The following OR7D2 variants were observed in gnomAD, a reference collection of about 807,000 sequenced individuals.
OR7D2 encodes the protein olfactory receptor 7D2.
For synonymous variants in OR7D2, 158 were observed against 158.7 expected (o/e 1.00, Z 0.03); for missense variants, 370 against 384.1 (o/e 0.96, Z 0.31).
chr19:9,184,828 T>C (rs2051018712), intron 2 of OR7D2, among the ~76,000 whole-genome samples: 1 of 152,090 alleles, frequency 6.6e-6, no homozygotes, highest in East Asian at 1.9e-4. Flanking sequence ...ATTTTTACAA[T>C]CAATATTATT....
intron 2 of OR7D2, among the ~76,000 whole-genome samples, chr19:9,184,748 T>A (rs1258955042): frequency 6.6e-6 from 1 of 152,146 alleles, no homozygotes; most frequent in Non-Finnish European, 1.5e-5. Context: ...TATATTCCAT[T>A]GTGTGTATAT....
Position 9,186,767 on chromosome 19 carries a change from C to CA in OR7D2, c.*52dup, listed in dbSNP as rs763301777. ...TAAGAAGTTTTGTGAGCACCAATGG[C>CA]AAAAATGTTTTATTTTGAAATTCTT... On this transcript the variant is annotated 3_prime_UTR_variant, in exon 3 of 3. Coordinates refer to ENST00000641288, the MANE Select transcript of OR7D2 (RefSeq NM_175883.4). 4.8e-6 allele frequency: 6 copies of CA among 1,254,564 alleles called. No individual in the cohort carries two copies. Among genetic ancestry groups the CA allele is most frequent in the Non-Finnish European group, 6.7e-6 (6 of 902,220 alleles). The allele number at this position is 1,254,564 out of a possible 1,614,324, so 77.7% of individuals were successfully genotyped here.
rs1166027531 is a variant in OR7D2 at position 9,188,669 on chromosome 19, A to G, written c.*1949A>G. 1 of 167,038 alleles carries G rather than the reference A, an allele frequency of 6.0e-6. No individual in the cohort carries two copies. The allele number at this position is 167,038 out of a possible 1,614,324, so 10.3% of individuals were successfully genotyped here. A position where few individuals can be genotyped will look rare whatever the true frequency, so the allele number is the denominator to read the frequency against. On this transcript the variant is annotated 3_prime_UTR_variant, in exon 3 of 3. Coordinates refer to ENST00000641288, the MANE Select transcript of OR7D2 (RefSeq NM_175883.4). ...TTTGTTATCTCAAGTGGTGGCACAG[A>G]GTTCTTAAGCTATTGATTGTTCACT...
Position 9,186,276 on chromosome 19 carries a change from T to A in OR7D2, c.495T>A (p.His165Gln). ...TCCTCCATATTTCTCTGATGATGCA[T>A]CTAATCTTCTGTAAAGATTTTGAAA... ...TSLLHISLMM[H>Q]LIFCKDFEIP... Residue 165 changes from histidine to glutamine, a missense_variant, in exon 3 of 3, where the codon CAT becomes CAA. Transcript: ENST00000641288. 1 of 1,614,158 alleles carries A rather than the reference T, an allele frequency of 6.2e-7. No individual in the cohort carries two copies. Among genetic ancestry groups the A allele is most frequent in the Non-Finnish European group, 8.5e-7 (1 of 1,180,010 alleles).
intron 2 of OR7D2, among the ~76,000 whole-genome samples, chr19:9,184,943 A>G (rs914826513): frequency 2.0e-5 from 3 of 152,082 alleles, no homozygotes; most frequent in African/African-American, 7.2e-5. Context: ...AAAGAAAAAT[A>G]TTGCATTTTT....
chr19:9,186,762 A>C lies in OR7D2; in HGVS notation c.*42A>C. On this transcript the variant is annotated 3_prime_UTR_variant, in exon 3 of 3. Coordinates refer to ENST00000641288, the MANE Select transcript of OR7D2 (RefSeq NM_175883.4). ...AGGACTAAGAAGTTTTGTGAGCACCAATGGCAAAAATGTTTTATTTTGAAA... is the reference window on the plus strand; with the variant it reads ...AGGACTAAGAAGTTTTGTGAGCACCCATGGCAAAAATGTTTTATTTTGAAA... 7.8e-7 allele frequency: 1 copy of C among 1,282,644 alleles called. No homozygotes were observed. The highest frequency in any genetic ancestry group is 1.1e-6 in the Non-Finnish European group (1 of 923,812). 79.5% of individuals were successfully genotyped at this position (1,282,644 alleles called of 1,614,324 possible).
chr19:9,183,018 A>C, intron 2 of OR7D2: 1 of 413,596 alleles, frequency 2.4e-6, no homozygotes, highest in Admixed American at 3.0e-5. Context: ...GGGCCTTCAC[A>C]GCCACCGTAG....
chr19:9,186,921 C>CT lies in OR7D2; in HGVS notation c.*209dup, dbSNP rs772315130. Reference sequence around the variant, plus strand: ...TTACCTGAATAGTGAACATAAGGCACTTTTTTTTCTTTTTTGAGACGGAGT... The same window carrying CT: ...TTACCTGAATAGTGAACATAAGGCACTTTTTTTTTCTTTTTTGAGACGGAGT... On this transcript the variant is annotated 3_prime_UTR_variant, in exon 3 of 3. Transcript: ENST00000641288. 0.04 allele frequency: 15,459 copies of CT among 391,114 alleles called. 117 individuals carry two copies. The highest frequency in any genetic ancestry group is 0.1 in the East Asian group (2,235 of 21,896). 24.2% of individuals were successfully genotyped at this position (391,114 alleles called of 1,614,324 possible).
chr19:9,180,002 T>TAAAAA (rs111281985), intron 1 of OR7D2, among the ~76,000 whole-genome samples: 5 of 145,632 alleles, frequency 3.4e-5, no homozygotes, highest in Non-Finnish European at 6.0e-5. Flanking sequence ...AAACTCCGTC[T>TAAAAA]AAAAAAAAAA....
chr19:9,186,694 C>A lies in OR7D2; in HGVS notation c.913C>A (p.Leu305Ile). Residue 305 changes from leucine to isoleucine, a missense_variant, in exon 3 of 3, where the codon CTC becomes ATC. By Grantham distance (5) the Leu-to-Ile change is conservative. Coordinates refer to ENST00000641288, the MANE Select transcript of OR7D2 (RefSeq NM_175883.4). Reference protein sequence around the residue: ...KDVKGALGSLLSRAASCL With the variant: ...KDVKGALGSLISRAASCL ...TGTGAAGGGAGCCCTGGGGAGTCTCCTCAGCAGGGCAGCCTCTTGTTTGTG... is the reference window on the plus strand; with the variant it reads ...TGTGAAGGGAGCCCTGGGGAGTCTCATCAGCAGGGCAGCCTCTTGTTTGTG... The A allele has an allele frequency of 6.2e-7, 1 of 1,609,574 alleles. No individual in the cohort carries two copies. The highest frequency in any genetic ancestry group is 8.5e-7 in the Non-Finnish European group (1 of 1,178,598).
intron 1 of OR7D2, among the ~76,000 whole-genome samples, chr19:9,179,728 G>A (rs903436566): frequency 1.3e-5 from 2 of 151,946 alleles, no homozygotes; most frequent in Admixed American, 6.6e-5. Flanking sequence ...GTTCTCGGCC[G>A]GGTGCAGTGG....
rs2051031231 is a variant in OR7D2, at chr19:9,186,184, A to G, written c.403A>G (p.Ile135Val). 4 of 1,614,034 alleles carry G rather than the reference A, an allele frequency of 2.5e-6. No individual in the cohort carries two copies. Among genetic ancestry groups the G allele is most frequent in the African/African-American group, 2.7e-5 (2 of 74,994 alleles). ...AVCHPLHYMI[I>V]MNPHLCGLLV... ...CTGCCACCCTCTGCACTATATGATC[A>G]TCATGAACCCCCACCTCTGTGGCCT... Residue 135 changes from isoleucine (I) to valine (V), a missense_variant, in exon 3 of 3, where the codon ATC becomes GTC. Ile to Val is a conservative substitution (Grantham distance 29, BLOSUM62 3). Coordinates refer to ENST00000641288, the MANE Select transcript of OR7D2 (RefSeq NM_175883.4).
intron 2 of OR7D2, chr19:9,182,343 C>T (rs73498807): frequency 1.6e-4 from 35 of 213,904 alleles, no homozygotes; most frequent in African/African-American, 7.6e-4. Flanking sequence ...AATGAGTTAA[C>T]AGTTTATTAT....
intron 2 of OR7D2, among the ~76,000 whole-genome samples, chr19:9,183,907 G>A (rs1186537840): frequency 7.9e-6 from 1 of 126,728 alleles, no homozygotes; most frequent in East Asian, 2.6e-4. Flanking sequence ...GCAGTGAGCC[G>A]AGATTGCGCC....
intron 2 of OR7D2, among the ~76,000 whole-genome samples, chr19:9,185,104 T>TATATATAGGATAAA (rs2145982380): frequency 6.6e-6 from 1 of 152,224 alleles, no homozygotes; most frequent in African/African-American, 2.4e-5. Flanking sequence ...AGTCTAGAGA[T>TATATATAGGATAAA]CCAGTGTACC....
At chr19:9,183,978 AAAAAAAAAAAAAAAAGAC>A (rs1168854856) in intron 2 of OR7D2, among the ~76,000 whole-genome samples, 66 of 144,306 alleles carry the variant, frequency 4.6e-4, no homozygotes, top group African/African-American at 1.5e-3. Context: ...AAAAAAAAAA[AAAAAAAAAAAAAAAAGAC>A]AAGAGTTGGC....
chr19:9,182,455 C>A, intron 2 of OR7D2: 1 of 311,056 alleles, frequency 3.2e-6, no homozygotes, highest in Non-Finnish European at 6.2e-6. Flanking sequence ...GAGCTGTTAG[C>A]GTAGCGAACC....
chr19:9,186,391 G>T lies in OR7D2; in HGVS notation c.610G>T (p.Gly204Cys), dbSNP rs373430039. The stretch of plus-strand genomic sequence containing the variant: ...CAGCACGTTGATATACTTTATGACG[G>T]GTGTGCTGGGCGTTTTTCCCCTCCT... ...LNSTLIYFMT[G>C]VLGVFPLLGI... The change falls in exon 3 of 3, where the codon GGT (glycine) becomes TGT (cysteine). Residue 204 changes from glycine to cysteine, a missense_variant. Physicochemically the swap from Gly to Cys is radical, Grantham distance 159 (BLOSUM62 -3). Coordinates refer to ENST00000641288, the MANE Select transcript of OR7D2 (RefSeq NM_175883.4). 13 of 1,614,078 alleles carry T rather than the reference G, an allele frequency of 8.1e-6. No individual in the cohort carries two copies. In the East Asian group the frequency reaches 2.0e-4, roughly 25 times the overall value.
chr19:9,181,843 T>C (rs547608847), intron 2 of OR7D2, among the ~76,000 whole-genome samples: 43 of 152,216 alleles, frequency 2.8e-4, no homozygotes, highest in African/African-American at 9.6e-4. Context: ...TCCCTACTCT[T>C]TAAAGTTCTG....
Sources: gnomAD v4.1 joint callset for allele counts (sites outside exome capture counted in the v4.1 genomes callset) on GRCh38, gnomAD v4.1.1 for gene constraint, MANE v1.5 for transcripts, NCBI Gene and HGNC (gene_info 2026-07-23, HGNC 2026-07-21) for gene names.